MPPED1: variants seen among roughly 807,000 people sequenced by gnomAD.
The protein encoded by MPPED1 is metallophosphoesterase domain containing 1, also known as metallophosphoesterase domain-containing protein 1.
MPPED1 carries 16 observed loss-of-function variants against 36.2 expected under a neutral mutation model. The observed-to-expected ratio is 0.44, with a 90% CI of 0.30 to 0.67. The LOEUF is 0.67. Ranked by LOEUF, MPPED1 falls within the 30% of genes least tolerant of loss-of-function variation. The pLI, the probability that MPPED1 is intolerant of heterozygous loss-of-function variation, is 0.10. For synonymous variants in MPPED1, 199 were observed against 191.3 expected (o/e 1.04, Z -0.33); for missense variants, 307 against 453.4 (o/e 0.68, Z 2.93).
intron 3 of MPPED1, among the ~76,000 whole-genome samples, chr22:43,465,080 G>T (rs527950187): frequency 6.6e-6 from 1 of 152,352 alleles, no homozygotes; most frequent in East Asian, 1.9e-4. Flanking sequence ...GGACCTTTAT[G>T]TCACGTCTTC....
At chr22:43,461,184 C>T (rs866033262) in intron 3 of MPPED1, among the ~76,000 whole-genome samples, 6 of 152,034 alleles carry the variant, frequency 3.9e-5, no homozygotes, top group Admixed American at 6.6e-5. Flanking sequence ...GGCAATATAG[C>T]GAAACCTCAT....
At chr22:43,464,330 TGTG>T (rs1601980891) in intron 3 of MPPED1, among the ~76,000 whole-genome samples, 6 of 141,204 alleles carry the variant, frequency 4.2e-5, no homozygotes, top group East Asian at 2.0e-4. Flanking sequence ...TGTGTGTGTG[TGTG>T]TGGTGGGCAT....
intron 3 of MPPED1, among the ~76,000 whole-genome samples, chr22:43,457,720 C>A (rs199966244): frequency 1.3e-5 from 2 of 151,932 alleles, no homozygotes; most frequent in African/African-American, 2.4e-5. Flanking sequence ...ATTTTTTTTA[C>A]CTTATAACAA....
rs1307324855 is a variant in MPPED1, at chr22:43,474,541, G to T, written c.407-195G>T. 1.3e-5 allele frequency among the ~76,000 whole-genome samples: 2 copies of T among 152,166 alleles called. No homozygotes were observed. The highest frequency in any genetic ancestry group is 4.8e-5 in the African/African-American group (2 of 41,412). On this transcript the variant is annotated intron_variant, in intron 3 of 6. Transcript: ENST00000443721. This position sits in a 1 kb window ranked among gnomAD's most constrained non-coding sequence, Gnocchi z 5.2. The stretch of plus-strand genomic sequence containing the variant: ...CTGGACAAGCTGACAGCTGTGTGCT[G>T]TGTGTCTGTCTGTGTCCACCCCTGC...
At position 43,475,009 on chromosome 22, in the gene MPPED1, G is replaced by T. The variant is rs533366720; in HGVS notation, c.632+48G>T. 3.6e-5 allele frequency: 56 copies of T among 1,567,028 alleles called. No homozygotes were observed. The South Asian group carries it at 5.8e-4, about 16-fold the overall frequency. On this transcript the variant is annotated intron_variant, in intron 4 of 6. Transcript: ENST00000443721. ...CCTGCCTGCTGGTGAGACCAGAGCT[G>T]AGGCTGAGCGCAGGGGGTGTAGGGG... is the stretch of plus-strand genomic sequence containing the variant.
At chr22:43,481,316 G>A (rs77317015) in intron 4 of MPPED1, among the ~76,000 whole-genome samples, 2,948 of 152,240 alleles carry the variant, frequency 0.019, 134 homozygotes, top group African/African-American at 0.068. Flanking sequence ...TATCTGACAC[G>A]TGGGGTCTGT....
chr22:43,421,056 G>A (rs1397638133), intron 1 of MPPED1, among the ~76,000 whole-genome samples: 1 of 152,238 alleles, frequency 6.6e-6, no homozygotes, highest in Non-Finnish European at 1.5e-5. Flanking sequence ...CCGCTGGACT[G>A]AGAGCCAGGC....
chr22:43,448,181 G>A (rs1930430782), intron 3 of MPPED1, among the ~76,000 whole-genome samples: 2 of 152,072 alleles, frequency 1.3e-5, no homozygotes, highest in Admixed American at 6.6e-5. Context: ...AAGCCACTGC[G>A]CCCATCCTGG....
intron 6 of MPPED1, among the ~76,000 whole-genome samples, chr22:43,504,874 G>T (rs567006019): frequency 6.6e-6 from 1 of 151,950 alleles, no homozygotes; most frequent in Admixed American, 6.6e-5. Context: ...TGATGGTGGT[G>T]GTGGTGGTGA....
At chr22:43,441,030 C>T (rs1326283001) in intron 3 of MPPED1, among the ~76,000 whole-genome samples, 1 of 152,104 alleles carries the variant, frequency 6.6e-6, no homozygotes, top group Non-Finnish European at 1.5e-5. Context: ...ACCACTCAGA[C>T]CCCCCAGCTC....
At chr22:43,500,322 ATGGTGGTGGTGGAGGTGGTGGTG>A (rs1932673066) in intron 5 of MPPED1, among the ~76,000 whole-genome samples, 2 of 20,188 alleles carry the variant, frequency 9.9e-5, no homozygotes, top group African/African-American at 1.6e-4. Flanking sequence ...GGAGGTGGTG[ATGGTGGTGGTGGAGGTGGTGGTG>A]GTGATGGTGA....
intron 3 of MPPED1, among the ~76,000 whole-genome samples, chr22:43,467,110 G>A (rs1359371478): frequency 6.6e-6 from 1 of 152,180 alleles, no homozygotes; most frequent in Non-Finnish European, 1.5e-5. Context: ...TTATAAATGG[G>A]GACACTAAAG....
Position 43,506,966 on chromosome 22 carries a change from G to A in MPPED1, c.*1350G>A, listed in dbSNP as rs1226252075. The A allele has an allele frequency of 1.3e-5, 2 of 152,150 alleles. No homozygotes were observed. The highest frequency in any genetic ancestry group is 2.9e-5 in the Non-Finnish European group (2 of 68,028). 9.4% of individuals were successfully genotyped at this position (152,150 alleles called of 1,614,324 possible). ...CCTTTCCGTTGTACATCTGAGAGAA[G>A]GGTGTCACTCCCTCACCCAGGTCCC... On this transcript the variant is annotated 3_prime_UTR_variant, in exon 7 of 7. Coordinates refer to ENST00000443721, the MANE Select transcript of MPPED1 (RefSeq NM_001044370.2).
intron 3 of MPPED1, among the ~76,000 whole-genome samples, chr22:43,452,319 C>T (rs1318409913): frequency 2.0e-5 from 3 of 152,034 alleles, no homozygotes; most frequent in African/African-American, 4.8e-5. Context: ...CAGCTGATCA[C>T]CCCCTTTTAT....
Position 43,474,012 on chromosome 22 carries a change from G to A in MPPED1, c.407-724G>A, listed in dbSNP as rs1321751935. The stretch of plus-strand genomic sequence containing the variant: ...TTTGTTTTGATTCCATCTAGATTTT[G>A]TTTTGGCTTTGAATTTCCATGGCAG... On this transcript the variant is annotated intron_variant, in intron 3 of 6. Transcript: ENST00000443721. This position sits in a 1 kb window ranked among gnomAD's most constrained non-coding sequence, Gnocchi z 5.2. 6.6e-6 allele frequency among the ~76,000 whole-genome samples: 1 copy of A among 152,202 alleles called. No homozygotes were observed. Among genetic ancestry groups the A allele is most frequent in the African/African-American group, 2.4e-5 (1 of 41,452 alleles).
intron 3 of MPPED1, among the ~76,000 whole-genome samples, chr22:43,445,599 T>C (rs1475561427): frequency 6.7e-6 from 1 of 149,442 alleles, no homozygotes; most frequent in Non-Finnish European, 1.5e-5. Context: ...CTCACTCTGT[T>C]GCCCAGTCTG....
intron 3 of MPPED1, among the ~76,000 whole-genome samples, chr22:43,456,156 C>T (rs1003820356): frequency 1.3e-5 from 2 of 152,198 alleles, no homozygotes; most frequent in Non-Finnish European, 2.9e-5. Context: ...TTCATTGCCC[C>T]AGCTAGAACC....
intron 5 of MPPED1, 40 bp downstream of exon 5, chr22:43,498,390 G>T: frequency 6.7e-7 from 1 of 1,485,326 alleles, no homozygotes; most frequent in Non-Finnish European, 9.1e-7. Context: ...TCGCCCATCT[G>T]GGCTGGTGGG....
intron 4 of MPPED1, among the ~76,000 whole-genome samples, chr22:43,479,180 G>A (rs1931672280): frequency 6.6e-6 from 1 of 152,176 alleles, no homozygotes; most frequent in Non-Finnish European, 1.5e-5. Flanking sequence ...GGGTGCAGGT[G>A]ATGGAGCTGC....
Sources: gnomAD v4.1 joint callset for allele counts (sites outside exome capture counted in the v4.1 genomes callset) on GRCh38, gnomAD v4.1.1 for gene constraint, Gnocchi (gnomAD v3.1) non-coding constraint, MANE v1.5 for transcripts, NCBI Gene and HGNC (gene_info 2026-07-23, HGNC 2026-07-21) for gene names.